Variants in TMEM213 observed in about 807,000 individuals in gnomAD.
TMEM213 encodes the protein transmembrane protein 213.
In TMEM213, 7 loss-of-function variants were observed where a neutral mutation model predicts 11.6. That is an observed-to-expected ratio of 0.60 (90% CI 0.34 to 1.13). TMEM213 has a LOEUF of 1.13. TMEM213 is among the 50% of genes most tolerant of loss of function. The pLI is 0.03. For missense variants in TMEM213, 129 were observed against 139.0 expected, an observed-to-expected ratio of 0.93 and a Z score of 0.36; for synonymous variants, 60 against 58.3, an observed-to-expected ratio of 1.03 and a Z score of -0.13.
chr7:138,800,698 CTTCTTCTTTT>C (rs1460162235), intron 1 of TMEM213, among the ~76,000 whole-genome samples: 2 of 91,930 alleles, frequency 2.2e-5, no homozygotes, highest in Non-Finnish European at 4.6e-5. Flanking sequence ...TCTTCTTCTT[CTTCTTCTTTT>C]TTTTTTTTTT....
At chr7:138,802,765 C>T in intron 2 of TMEM213, 135 bp from the exon 3 acceptor site, 1 of 868,118 alleles carries the variant, frequency 1.2e-6, no homozygotes. Flanking sequence ...AAGCACGCAG[C>T]ACAGTGCATG....
In TMEM213 at chr7:138,804,944, A is replaced by C. The variant is rs1809051711; in HGVS notation, c.*1875A>C. 6.6e-6 allele frequency: 1 copy of C among 152,234 alleles called. No homozygotes were observed. Among genetic ancestry groups the C allele is most frequent in the Admixed American group, 6.5e-5 (1 of 15,278 alleles). The allele number at this position is 152,234 out of a possible 1,614,324, so 9.4% of individuals were successfully genotyped here. The stretch of plus-strand genomic sequence containing the variant: ...AGATCAGATAAACTCTAGTCAAAAT[A>C]CAAAAAGGAAAAATGAAAGACCTCT... On this transcript the variant is annotated 3_prime_UTR_variant, in exon 3 of 3. Coordinates refer to ENST00000442682, the MANE Select transcript of TMEM213 (RefSeq NM_001085429.2).
At chr7:138,798,744 T>C (rs1043481981) in intron 1 of TMEM213, among the ~76,000 whole-genome samples, 1 of 152,172 alleles carries the variant, frequency 6.6e-6, no homozygotes, top group Non-Finnish European at 1.5e-5. Flanking sequence ...AATGCTGGGT[T>C]ATCTCCCCAT....
intron 2 of TMEM213, among the ~76,000 whole-genome samples, chr7:138,802,197 G>C (rs911962139): frequency 4.6e-5 from 7 of 150,568 alleles, no homozygotes; most frequent in African/African-American, 1.5e-4. Context: ...ACTTTATTTT[G>C]TCTGGTTCCC....
intron 2 of TMEM213, among the ~76,000 whole-genome samples, chr7:138,802,114 C>T (rs1360032520): frequency 6.6e-5 from 10 of 150,988 alleles, no homozygotes; most frequent in Admixed American, 3.3e-4. Flanking sequence ...TGCTGTGAGC[C>T]GAAATTGCAC....
rs1418449533 is a variant in TMEM213, at chr7:138,802,892, CCCA to C, written c.155-4_155-2del. 6.4e-7 allele frequency: 1 copy of C among 1,551,710 alleles called. No individual in the cohort carries two copies. Among genetic ancestry groups the C allele is most frequent in the African/African-American group, 1.4e-5 (1 of 73,118 alleles). The stretch of plus-strand genomic sequence containing the variant: ...ATGCCGTCGTCCTTGCTGTCCCTTC[CCCA>C]CCAGACGTGGACTTCTGCCCACAAG... On this transcript the variant is annotated splice_polypyrimidine_tract_variant and splice_region_variant and intron_variant, in intron 2 of 2. Transcript: ENST00000442682.
Position 138,805,812 on chromosome 7 carries a change from C to T in TMEM213, c.*2743C>T, listed in dbSNP as rs774861173. On this transcript the variant is annotated 3_prime_UTR_variant, in exon 3 of 3. Coordinates refer to ENST00000442682, the MANE Select transcript of TMEM213 (RefSeq NM_001085429.2). ...ATGGAATCGGGGTAGGCATGAGGCCCGTTGTTCTTTCAACCTGAGCCGCAT... is the reference window on the plus strand; with the variant it reads ...ATGGAATCGGGGTAGGCATGAGGCCTGTTGTTCTTTCAACCTGAGCCGCAT... The T allele has an allele frequency of 2.6e-5, 4 of 151,984 alleles. No homozygotes were observed. The highest frequency in any genetic ancestry group is 2.1e-4 in the South Asian group (1 of 4,810). 9.4% of individuals were successfully genotyped at this position (151,984 alleles called of 1,614,324 possible).
In TMEM213 at chr7:138,801,768, T is replaced by TTTC. The variant is rs1808954395; in HGVS notation, c.154+381_154+383dup. The TTTC allele has an allele frequency of 2.5e-5, 6 of 236,164 alleles. No individual in the cohort carries two copies. The South Asian group carries it at 4.9e-4, about 19-fold the overall frequency. The allele number at this position is 236,164 out of a possible 1,614,324, so 14.6% of individuals were successfully genotyped here. Reference sequence around the variant, plus strand: ...GGTTTTGGCGTCCTTGGCATACATATTTCTTCTTCTTCTATGCACGTTTTT... The same window carrying TTTC: ...GGTTTTGGCGTCCTTGGCATACATATTTCTTCTTCTTCTTCTATGCACGTTTTT... On this transcript the variant is annotated intron_variant, in intron 2 of 2. Coordinates refer to ENST00000442682, the MANE Select transcript of TMEM213 (RefSeq NM_001085429.2).
In TMEM213 at chr7:138,798,063, G is replaced by A. The variant is rs1808774430; in HGVS notation, c.-42G>A. The A allele has an allele frequency of 1.3e-6, 2 of 1,567,622 alleles. No individual in the cohort carries two copies. The highest frequency in any genetic ancestry group is 2.7e-5 in the African/African-American group (2 of 73,756). The stretch of plus-strand genomic sequence containing the variant: ...AGCAGGCACTCGGCACAACTCCGCA[G>A]GACCGGCTCACCTGCACCGGGCACT... On this transcript the variant is annotated 5_prime_UTR_variant, in exon 1 of 3. Coordinates refer to ENST00000442682, the MANE Select transcript of TMEM213 (RefSeq NM_001085429.2).
At chr7:138,801,883 G>A (rs201816699) in intron 2 of TMEM213, 2 of 159,550 alleles carry the variant, frequency 1.3e-5, no homozygotes, top group East Asian at 3.6e-4. Context: ...AAGTTTTGCA[G>A]CTGGGCGCAG....
At chr7:138,798,246 AGG>A in intron 1 of TMEM213, 60 bp downstream of exon 1, 1 of 1,458,636 alleles carries the variant, frequency 6.9e-7, no homozygotes, top group Non-Finnish European at 9.3e-7. Context: ...GAGGGAAGAG[AGG>A]TGGGAGGGAA....
At chr7:138,802,559 A>AAAG (rs1216195943) in intron 2 of TMEM213, among the ~76,000 whole-genome samples, 1 of 133,176 alleles carries the variant, frequency 7.5e-6, no homozygotes, top group African/African-American at 3.5e-5. Context: ...TCAAAAAGAA[A>AAAG]AAAAAAAAAA....
rs1584964098 is a variant in TMEM213, at chr7:138,801,398, A to G, written c.154A>G (p.Asn52Asp). ...PDPGTLEQCLNVDFCPQAARC... is the reference protein window; with the variant it reads ...PDPGTLEQCLDVDFCPQAARC... ...CCCTGGGACCCTGGAGCAGTGCCTC[A>G]GTAAGCTTCTCCTGCCAACTGCTCT... Residue 52 changes from asparagine (N) to aspartate (D), a missense_variant and splice_region_variant, in exon 2 of 3, where the codon AAC becomes GAC. Transcript: ENST00000442682. 1 of 1,606,652 alleles carries G rather than the reference A, an allele frequency of 6.2e-7. No homozygotes were observed. The highest frequency in any genetic ancestry group is 8.5e-7 in the Non-Finnish European group (1 of 1,176,714).
intron 2 of TMEM213, 71 bp downstream of exon 2, chr7:138,801,469 C>T (rs917703016): frequency 7.0e-7 from 1 of 1,436,932 alleles, no homozygotes; most frequent in African/African-American, 1.4e-5. Flanking sequence ...AAAGGCCTCC[C>T]CGCTTTCCGT....
intron 2 of TMEM213, among the ~76,000 whole-genome samples, 178 bp from the exon 3 acceptor site, chr7:138,802,722 C>T (rs1017700065): frequency 6.6e-6 from 1 of 152,184 alleles, no homozygotes; most frequent in African/African-American, 2.4e-5. Flanking sequence ...TCGCACCTGT[C>T]GCTTTGTGAG....
chr7:138,798,417 T>A (rs1022057608), intron 1 of TMEM213: 7 of 559,388 alleles, frequency 1.3e-5, no homozygotes, highest in Non-Finnish European at 1.9e-5. Flanking sequence ...GATACTCAAT[T>A]CCTCAGCTAA....
Position 138,803,109 on chromosome 7 carries a change from T to A in TMEM213, c.*40T>A. The stretch of plus-strand genomic sequence containing the variant: ...GCACAAAATGGTGATCGCCACCAAT[T>A]TGTGGCTAATGGGGAAGGGGAGTAA... On this transcript the variant is annotated 3_prime_UTR_variant, in exon 3 of 3. Transcript: ENST00000442682. The A allele has an allele frequency of 1.3e-6, 2 of 1,598,632 alleles. No individual in the cohort carries two copies. Among genetic ancestry groups the A allele is most frequent in the Non-Finnish European group, 1.7e-6 (2 of 1,174,358 alleles).
chr7:138,801,812 T>A lies in TMEM213; in HGVS notation c.154+414T>A, dbSNP rs112555715. The A allele has an allele frequency of 8.8e-3, 1,691 of 191,562 alleles. 18 individuals are homozygous for A. The highest frequency in any genetic ancestry group is 0.035 in the African/African-American group (1,508 of 43,084). The allele number at this position is 191,562 out of a possible 1,614,324, so 11.9% of individuals were successfully genotyped here. ...CGTTTTTCCTCTTCTTGCCTACTTCTAGCCACAAGGCGCTCAGTAATTCAT... is the reference window on the plus strand; with the variant it reads ...CGTTTTTCCTCTTCTTGCCTACTTCAAGCCACAAGGCGCTCAGTAATTCAT... On this transcript the variant is annotated intron_variant, in intron 2 of 2. Transcript: ENST00000442682.
intron 2 of TMEM213, 70 bp downstream of exon 2, chr7:138,801,468 C>T (rs1052142309): frequency 4.0e-4 from 572 of 1,445,720 alleles, no homozygotes; most frequent in Non-Finnish European, 5.0e-4. Context: ...CAAAGGCCTC[C>T]CCGCTTTCCG....
Sources: allele counts gnomAD v4.1 joint callset (sites outside exome capture counted in the v4.1 genomes callset), GRCh38; gene constraint gnomAD v4.1.1; transcripts MANE v1.5; gene names NCBI Gene and HGNC (gene_info 2026-07-23, HGNC 2026-07-21).